Variants in PKP4 observed in about 807,000 individuals in gnomAD.
PKP4 encodes the protein plakophilin-4.
Under a neutral mutation model 145.1 loss-of-function variants are expected in PKP4, and 90 were observed. The observed-to-expected ratio is 0.62, with a 90% CI of 0.52 to 0.74. The LOEUF is 0.74. PKP4 is among the 30% of genes least tolerant of loss of function. The pLI, the probability that PKP4 is intolerant of heterozygous loss-of-function variation, is 0.00. For synonymous variants in PKP4, 563 were observed against 577.2 expected (o/e 0.98, Z 0.35); for missense variants, 1,340 against 1,482.7 (o/e 0.90, Z 1.58).
At chr2:158,554,161 T>G (rs1380853205) in intron 2 of PKP4, among the ~76,000 whole-genome samples, 1 of 150,042 alleles carries the variant, frequency 6.7e-6, no homozygotes. Flanking sequence ...TTTACCATGC[T>G]TCCTCCTCTC....
chr2:158,602,715 C>T (rs544264221), intron 3 of PKP4, among the ~76,000 whole-genome samples: 3 of 152,140 alleles, frequency 2.0e-5, no homozygotes, highest in African/African-American at 7.2e-5. Context: ...GTTTAACAGC[C>T]TTTTTGGTTC....
At chr2:158,537,063 ATACT>A (rs2044112082) in intron 2 of PKP4, among the ~76,000 whole-genome samples, 1 of 152,170 alleles carries the variant, frequency 6.6e-6, no homozygotes. Context: ...TGAATAGATA[ATACT>A]TACTGTCGAT....
intron 1 of PKP4, among the ~76,000 whole-genome samples, chr2:158,512,387 G>T (rs1448110458): frequency 6.6e-6 from 1 of 152,220 alleles, no homozygotes; most frequent in Admixed American, 6.5e-5. Context: ...ACATGCTTGT[G>T]GTGGTGATAC....
chr2:158,655,960 C>T (rs554668168), intron 11 of PKP4, among the ~76,000 whole-genome samples: 1 of 152,330 alleles, frequency 6.6e-6, no homozygotes, highest in South Asian at 2.1e-4. Flanking sequence ...CTTCTGTTTT[C>T]ACTCCCTTGC....
intron 1 of PKP4, among the ~76,000 whole-genome samples, chr2:158,519,572 C>G (rs1422386737): frequency 2.0e-5 from 3 of 152,230 alleles, no homozygotes; most frequent in African/African-American, 7.2e-5. Context: ...ACCTCGAGCT[C>G]TGTCACCCAA....
At chr2:158,584,156 C>T (rs1321151449) in intron 3 of PKP4, among the ~76,000 whole-genome samples, 3 of 152,216 alleles carry the variant, frequency 2.0e-5, no homozygotes, top group African/African-American at 7.2e-5. Flanking sequence ...GGCTCCGAGG[C>T]CAACCGAGGG....
intron 11 of PKP4, among the ~76,000 whole-genome samples, chr2:158,646,414 G>A (rs933797531): frequency 4.6e-5 from 7 of 152,196 alleles, no homozygotes; most frequent in Admixed American, 1.3e-4. Flanking sequence ...AATGGCAGCT[G>A]TGTTTGATTT....
chr2:158,461,879 G>A (rs1689826658), intron 1 of PKP4, among the ~76,000 whole-genome samples: 1 of 152,218 alleles, frequency 6.6e-6, no homozygotes, highest in Non-Finnish European at 1.5e-5. Context: ...TGGCAAGGCA[G>A]AGGAAGCTCC....
intron 17 of PKP4, among the ~76,000 whole-genome samples, chr2:158,672,627 G>A (rs556871043): frequency 6.6e-6 from 1 of 152,288 alleles, no homozygotes; most frequent in Non-Finnish European, 1.5e-5. Flanking sequence ...AATTTCATCT[G>A]TGTTTATTTC....
At chr2:158,563,446 T>C (rs2046708690) in intron 2 of PKP4, among the ~76,000 whole-genome samples, 1 of 152,172 alleles carries the variant, frequency 6.6e-6, no homozygotes, top group African/African-American at 2.4e-5. Flanking sequence ...TAGATGTCTT[T>C]TTAAAAACAA....
chr2:158,649,171 A>G (rs1235759550), intron 11 of PKP4, among the ~76,000 whole-genome samples: 1 of 152,214 alleles, frequency 6.6e-6, no homozygotes, highest in African/African-American at 2.4e-5. Context: ...AACTGGAAAG[A>G]ACCCTAAAGA....
intron 4 of PKP4, among the ~76,000 whole-genome samples, chr2:158,612,932 A>G (rs1306137694): frequency 5.3e-5 from 8 of 152,160 alleles, no homozygotes; most frequent in Non-Finnish European, 1.2e-4. Flanking sequence ...TTCTGTCTTC[A>G]TAGCTGGCTC....
chr2:158,602,878 T>C (rs532318464), intron 3 of PKP4, among the ~76,000 whole-genome samples, 192 bp from the exon 4 acceptor site: 1 of 152,276 alleles, frequency 6.6e-6, no homozygotes, highest in East Asian at 1.9e-4. Flanking sequence ...AATTTCCAAA[T>C]AGAAACAATT....
intron 7 of PKP4, among the ~76,000 whole-genome samples, chr2:158,628,969 A>C (rs895267919): frequency 1.3e-5 from 2 of 152,136 alleles, no homozygotes; most frequent in South Asian, 4.1e-4. Context: ...CCTCATAATG[A>C]TAAGATTATC....
chr2:158,542,864 T>A lies in PKP4; in HGVS notation c.132+9548T>A, dbSNP rs891117000. ...AATGACAAATCTAGAAAAATTGTAA[T>A]TGTGAGTAAGATATGAGAATCAGTG... is the stretch of plus-strand genomic sequence containing the variant. On this transcript the variant is annotated intron_variant, in intron 2 of 21. Coordinates refer to ENST00000389759, the MANE Select transcript of PKP4 (RefSeq NM_003628.6). 2.0e-5 allele frequency among the ~76,000 whole-genome samples: 3 copies of A among 152,170 alleles called. No individual in the cohort carries two copies. The East Asian group carries it at 5.8e-4, about 29-fold the overall frequency.
At chr2:158,498,359 A>G (rs576897815) in intron 1 of PKP4, among the ~76,000 whole-genome samples, 1 of 152,228 alleles carries the variant, frequency 6.6e-6, no homozygotes, top group Non-Finnish European at 1.5e-5. Context: ...GGGAAAATCA[A>G]AACCTATCCA....
rs774669314 is a variant in PKP4 at position 158,634,200 on chromosome 2, G to C, written c.1473G>C (p.Glu491Asp). 5 of 1,614,078 alleles carry C rather than the reference G, an allele frequency of 3.1e-6. No homozygotes were observed. In the South Asian group the frequency reaches 4.4e-5, roughly 14 times the overall value. The change falls in exon 9 of 22, where the codon GAG becomes GAC. Residue 491 changes from glutamate (E) to aspartate (D), a missense_variant. By Grantham distance (45) the Glu-to-Asp change is conservative (BLOSUM62 2). Coordinates refer to ENST00000389759, the MANE Select transcript of PKP4 (RefSeq NM_003628.6). Reference sequence around the variant, plus strand: ...GGCCTATACAATACCGAGTGCAAGAGTGCAATTATAACAGGCTTCAGCATG... The same window carrying C: ...GGCCTATACAATACCGAGTGCAAGACTGCAATTATAACAGGCTTCAGCATG... ...PYRPIQYRVQ[E>D]CNYNRLQHAV...
At chr2:158,549,317 T>A (rs1239083088) in intron 2 of PKP4, 1 of 152,294 alleles carries the variant, frequency 6.6e-6, no homozygotes, top group East Asian at 1.9e-4. Context: ...ATGGTACTTT[T>A]ACAGGGGTGG....
intron 7 of PKP4, 91 bp downstream of exon 7, chr2:158,625,518 G>C (rs1168840465): frequency 3.8e-6 from 4 of 1,060,748 alleles, no homozygotes; most frequent in Admixed American, 5.5e-5. Flanking sequence ...GGTGGAAAAG[G>C]CTCATTCGTG....
Sources: allele counts gnomAD v4.1 joint callset (sites outside exome capture counted in the v4.1 genomes callset), GRCh38; gene constraint gnomAD v4.1.1; transcripts MANE v1.5; gene names NCBI Gene and HGNC (gene_info 2026-07-23, HGNC 2026-07-21).